Variants in TPR observed in about 807,000 individuals in gnomAD.
TPR encodes the protein translocated promoter region, nuclear basket protein, also known as nucleoprotein TPR.
Under a neutral mutation model 316.1 loss-of-function variants are expected in TPR, and 51 were observed. The observed-to-expected ratio is 0.16, with a 90% confidence interval of 0.13 to 0.20. The LOEUF is 0.20. TPR is among the 10% of genes least tolerant of loss of function. The pLI, the probability that TPR is intolerant of heterozygous loss-of-function variation, is 1.00. For missense variants in TPR, 2,272 were observed against 2,754.8 expected (o/e 0.82, Z 3.92); for synonymous variants, 981 against 914.7 (o/e 1.07, Z -1.31).
At chr1:186,338,615 T>C (rs1274370689) in intron 30 of TPR, among the ~76,000 whole-genome samples, 2 of 152,250 alleles carry the variant, frequency 1.3e-5, no homozygotes, top group African/African-American at 2.4e-5. Context: ...AAGGGCCGGA[T>C]AGAATGTTAT....
At chr1:186,360,512 C>G in intron 10 of TPR, 148 bp from the exon 11 acceptor site, 1 of 950,728 alleles carries the variant, frequency 1.1e-6, no homozygotes. Flanking sequence ...AGTCATGTAA[C>G]ACATCTAATT....
At chr1:186,321,365 C>T (rs1261955463) in intron 45 of TPR, among the ~76,000 whole-genome samples, 3 of 152,172 alleles carry the variant, frequency 2.0e-5, no homozygotes, top group Middle Eastern at 3.2e-3. Context: ...ACCTTAGCCA[C>T]GAATAAATGT....
intron 40 of TPR, 55 bp from the exon 41 acceptor site, chr1:186,326,290 C>T (rs1657930688): frequency 6.5e-7 from 1 of 1,549,924 alleles, no homozygotes; most frequent in Non-Finnish European, 8.7e-7. Flanking sequence ...CCCACATGCT[C>T]TGCATGTCTA....
At chr1:186,360,593 T>A (rs1354341332) in intron 10 of TPR, among the ~76,000 whole-genome samples, 172 bp downstream of exon 10, 1 of 152,116 alleles carries the variant, frequency 6.6e-6, no homozygotes, top group Non-Finnish European at 1.5e-5. Context: ...TATGCCCGAT[T>A]CTGTAAAGAT....
At chr1:186,361,550 T>C in intron 9 of TPR, 72 bp downstream of exon 9, 1 of 1,465,518 alleles carries the variant, frequency 6.8e-7, no homozygotes, top group Non-Finnish European at 9.4e-7. Context: ...CAATCATCTA[T>C]ACAAAACAAG....
intron 35 of TPR, among the ~76,000 whole-genome samples, 194 bp from the exon 36 acceptor site, chr1:186,334,727 T>C (rs1005417859): frequency 2.0e-5 from 3 of 152,154 alleles, no homozygotes; most frequent in Admixed American, 6.6e-5. Context: ...ATGTAAAATG[T>C]ATCTAGCTGT....
intron 12 of TPR, 34 bp downstream of exon 12, chr1:186,359,764 TG>T: frequency 6.4e-7 from 1 of 1,562,718 alleles, no homozygotes; most frequent in Non-Finnish European, 8.6e-7. Flanking sequence ...TCATTTGTAT[TG>T]TTACCACGGC....
chr1:186,332,089 T>A lies in TPR; in HGVS notation c.5604+106A>T, dbSNP rs867097943. On this transcript the variant is annotated intron_variant, in intron 38 of 50. Transcript: ENST00000367478. ...AAGTTCAATAAAAGTGTTTTCCAGATAATATATTTTGGCCCCAAAAGGTTA... is the reference window on the plus strand; with the variant it reads ...AAGTTCAATAAAAGTGTTTTCCAGAAAATATATTTTGGCCCCAAAAGGTTA... 3.2e-5 allele frequency: 39 copies of A among 1,218,414 alleles called. 1 individual carries two copies. The Middle Eastern group carries it at 2.3e-3, about 73-fold the overall frequency. 75.5% of individuals were successfully genotyped at this position (1,218,414 alleles called of 1,614,324 possible). A position where few individuals can be genotyped will look rare whatever the true frequency, so the allele number is the denominator to read the frequency against.
chr1:186,344,898 A>G (rs1157183359), intron 24 of TPR, among the ~76,000 whole-genome samples: 2 of 152,180 alleles, frequency 1.3e-5, no homozygotes, highest in Non-Finnish European at 2.9e-5. Flanking sequence ...TCCCTGTATT[A>G]CATTTTAAAA....
chr1:186,356,448 T>C lies in TPR; in HGVS notation c.1726A>G (p.Ile576Val), dbSNP rs746015755. Residue 576 changes from isoleucine (I) to valine (V), a missense_variant and splice_region_variant, in exon 15 of 51, where the codon ATC becomes GTC. By Grantham distance (29) the Ile-to-Val change is conservative. This residue lies in a region of TPR where 757 missense variants were observed against 859.8 expected (regional missense o/e 0.88). Coordinates refer to ENST00000367478, the MANE Select transcript of TPR (RefSeq NM_003292.3). Reference protein sequence around the residue: ...REEQETTSSKITELQLKLESA... With the variant: ...REEQETTSSKVTELQLKLESA... ...TCAAGTTTGAGCTGAAGCTCAGTGA[T>C]TCTGTAGAAAAAGTCGGCCTAATTC... 1.9e-5 allele frequency: 31 copies of C among 1,605,092 alleles called. No homozygotes were observed. Among genetic ancestry groups the C allele is most frequent in the Non-Finnish European group, 2.5e-5 (29 of 1,172,992 alleles).
In TPR at chr1:186,336,995, C is replaced by G; in HGVS notation, c.4506+18G>C. 6.2e-7 allele frequency: 1 copy of G among 1,613,390 alleles called. No individual in the cohort carries two copies. The highest frequency in any genetic ancestry group is 8.5e-7 in the Non-Finnish European group (1 of 1,179,596). On this transcript the variant is annotated intron_variant, in intron 32 of 50. Coordinates refer to ENST00000367478, the MANE Select transcript of TPR (RefSeq NM_003292.3). The stretch of plus-strand genomic sequence containing the variant: ...ATAACAGGAAAGAATTAGGAACAGA[C>G]TGTTCTCACACTCATACCTTCTGCA...
In TPR at chr1:186,327,590, A is replaced by G. The variant is rs1464176242; in HGVS notation, c.5759T>C (p.Leu1920Pro). The G allele has an allele frequency of 1.2e-6, 2 of 1,612,850 alleles. No individual in the cohort carries two copies. Among genetic ancestry groups the G allele is most frequent in the East Asian group, 4.5e-5 (2 of 44,756 alleles). Residue 1920 changes from leucine to proline, a missense_variant, in exon 40 of 51, where the codon CTT becomes CCT. Transcript: ENST00000367478. Reference protein sequence around the residue: ...EETSQSLQIDLGPLQSDQQTT... With the variant: ...EETSQSLQIDPGPLQSDQQTT... Reference sequence around the variant, plus strand: ...CTGCTGATCTGATTGAAGTGGCCCAAGATCTATTTGTAGAGACTGAGAGGT... The same window carrying G: ...CTGCTGATCTGATTGAAGTGGCCCAGGATCTATTTGTAGAGACTGAGAGGT...
At position 186,313,945 on chromosome 1, in the gene TPR, C is replaced by CA. The variant is rs1657472164; in HGVS notation, c.*25dup. The CA allele has an allele frequency of 6.2e-7, 1 of 1,605,502 alleles. No individual in the cohort carries two copies. Among genetic ancestry groups the CA allele is most frequent in the African/African-American group, 1.3e-5 (1 of 74,726 alleles). ...CTAAAACAGATTTGATAATCTTATT[C>CA]ACAGTTGTTATTGTTTACAGACCAT... On this transcript the variant is annotated 3_prime_UTR_variant, in exon 51 of 51. Coordinates refer to ENST00000367478, the MANE Select transcript of TPR (RefSeq NM_003292.3).
chr1:186,361,336 A>C (rs1331131837), intron 9 of TPR, among the ~76,000 whole-genome samples: 1 of 151,972 alleles, frequency 6.6e-6, no homozygotes, highest in Non-Finnish European at 1.5e-5. Flanking sequence ...ATCAGAGTAA[A>C]TGTTTCAAAA....
intron 14 of TPR, 77 bp from the exon 15 acceptor site, chr1:186,356,526 G>C: frequency 7.4e-7 from 1 of 1,356,458 alleles, no homozygotes; most frequent in Non-Finnish European, 9.9e-7. Context: ...AATTAACCAA[G>C]CATCTTTGCC....
chr1:186,317,063 A>C (rs1024991337), intron 49 of TPR, among the ~76,000 whole-genome samples: 5 of 152,260 alleles, frequency 3.3e-5, no homozygotes, highest in Non-Finnish European at 5.9e-5. Context: ...CCCAATATGT[A>C]GAACACATAA....
intron 39 of TPR, 114 bp from the exon 40 acceptor site, chr1:186,327,774 C>T: frequency 2.2e-6 from 2 of 904,836 alleles, no homozygotes; most frequent in South Asian, 1.8e-5. Flanking sequence ...TATGGACTAG[C>T]AGCATTTAAT....
rs781399734 is a variant in TPR, at chr1:186,323,780, G to C, written c.6203C>G (p.Pro2068Arg). 1.3e-6 allele frequency: 2 copies of C among 1,543,718 alleles called. No homozygotes were observed. The highest frequency in any genetic ancestry group is 1.3e-5 in the South Asian group (1 of 79,576). The change falls in exon 43 of 51, where the codon CCT becomes CGT. Residue 2068 changes from proline (P) to arginine (R), a missense_variant. Transcript: ENST00000367478. The stretch of plus-strand genomic sequence containing the variant: ...GCGTCTCGGTGACTGAGGTGCTCGA[G>C]GGGCCTGTCTTTCAGATGCTGATGA... The part of the protein sequence containing the change: ...QPSSASERQA[P>R]RAPQSPRRPP...
intron 21 of TPR, among the ~76,000 whole-genome samples, chr1:186,348,803 C>T (rs1658760535): frequency 6.6e-6 from 1 of 152,106 alleles, no homozygotes; most frequent in African/African-American, 2.4e-5. Context: ...TACTCTAAAA[C>T]ACTAAATCTT....
Sources: gnomAD v4.1 joint callset for allele counts (sites outside exome capture counted in the v4.1 genomes callset) on GRCh38, gnomAD v4.1.1 for gene constraint, gnomAD v4.1.1 regional missense constraint, MANE v1.5 for transcripts, NCBI Gene and HGNC (gene_info 2026-07-23, HGNC 2026-07-21) for gene names.